The following PRKCG variants were observed in gnomAD, a reference collection of about 807,000 sequenced individuals.
PRKCG encodes protein kinase C gamma.
PRKCG carries 28 observed loss-of-function variants against 82.0 expected under a neutral mutation model. That is an observed-to-expected ratio of 0.34 (90% CI 0.25 to 0.47). The LOEUF is 0.47. Ranked by LOEUF, PRKCG falls within the 20% of genes least tolerant of loss-of-function variation. The pLI is 1.00. For missense variants in PRKCG, 640 were observed against 952.7 expected, an observed-to-expected ratio of 0.67 and a Z score of 4.32; for synonymous variants, 383 against 376.6, an observed-to-expected ratio of 1.02 and a Z score of -0.20.
At chr19:53,897,724 CT>C (rs897769102) in intron 9 of PRKCG, among the ~76,000 whole-genome samples, 1 of 146,040 alleles carries the variant, frequency 6.8e-6, no homozygotes, top group African/African-American at 2.6e-5. Flanking sequence ...GATAAGCTAT[CT>C]AAAAAAAAAA....
chr19:53,899,923 C>G (rs189291498), intron 11 of PRKCG, among the ~76,000 whole-genome samples: 1 of 152,318 alleles, frequency 6.6e-6, no homozygotes, highest in East Asian at 1.9e-4. Flanking sequence ...AGAATTGCAT[C>G]TGTGTGTGAG....
chr19:53,887,553 A>C (rs1249999289), intron 3 of PRKCG, among the ~76,000 whole-genome samples: 2 of 137,876 alleles, frequency 1.5e-5, no homozygotes, highest in African/African-American at 2.7e-5. Context: ...TGCCTTGACC[A>C]GGCATGGTGG....
chr19:53,906,356 C>A lies in PRKCG; in HGVS notation c.1804C>A (p.Pro602Thr). ...KHPGKRLGSG[P>T]DGEPTIRAHG... ...CCCAGGGAAGCGCCTGGGCTCAGGG[C>A]CTGATGGGGAACCTACCATCCGTGC... The change falls in exon 17 of 18, where the codon CCT becomes ACT. Residue 602 changes from proline to threonine, a missense_variant. Physicochemically the swap from Pro to Thr is conservative, Grantham distance 38. Coordinates refer to ENST00000263431, the MANE Select transcript of PRKCG (RefSeq NM_002739.5). 1.3e-6 allele frequency: 2 copies of A among 1,552,852 alleles called. No homozygotes were observed. Among genetic ancestry groups the A allele is most frequent in the East Asian group, 2.4e-5 (1 of 41,072 alleles).
intron 9 of PRKCG, among the ~76,000 whole-genome samples, chr19:53,896,514 G>T (rs2068719699): frequency 6.6e-6 from 1 of 151,970 alleles, no homozygotes; most frequent in African/African-American, 2.4e-5. Context: ...CTGCCTCCCG[G>T]GTTCAAGCGA....
chr19:53,906,964 C>T lies in PRKCG; in HGVS notation c.*69C>T. ...TGCCGGCGGCAGCCCCACTTCACCC[C>T]CAACTTCACCACCCCCTGTCCCATT... On this transcript the variant is annotated 3_prime_UTR_variant, in exon 18 of 18. Coordinates refer to ENST00000263431, the MANE Select transcript of PRKCG (RefSeq NM_002739.5). 1 of 1,604,324 alleles carries T rather than the reference C, an allele frequency of 6.2e-7. No individual in the cohort carries two copies. Among genetic ancestry groups the T allele is most frequent in the South Asian group, 1.1e-5 (1 of 90,370 alleles).
intron 5 of PRKCG, among the ~76,000 whole-genome samples, chr19:53,891,278 C>CT (rs537462382): frequency 0.066 from 8,870 of 133,802 alleles, 579 homozygotes; most frequent in African/African-American, 0.17. Flanking sequence ...GCTTGGAATT[C>CT]TTTTTTTTTT....
intron 8 of PRKCG, 49 bp downstream of exon 8, chr19:53,893,124 G>T (rs2122998250): frequency 6.4e-7 from 1 of 1,552,628 alleles, no homozygotes; most frequent in Non-Finnish European, 8.8e-7. Context: ...GCCTCCCACG[G>T]TTCAGAGCTG....
intron 8 of PRKCG, 74 bp downstream of exon 8, chr19:53,893,149 C>A: frequency 7.0e-7 from 1 of 1,418,628 alleles, no homozygotes; most frequent in South Asian, 1.2e-5. Flanking sequence ...TTCCTTCCAC[C>A]CCTGAGTGCC....
rs1339463029 is a variant in PRKCG at position 53,883,398 on chromosome 19, T to C, written c.202+204T>C. Among the ~76,000 whole-genome samples the C allele has an allele frequency of 6.7e-6, 1 of 148,494 alleles. No homozygotes were observed. The highest frequency in any genetic ancestry group is 2.5e-5 in the African/African-American group (1 of 39,974). On this transcript the variant is annotated intron_variant, in intron 2 of 17. Transcript: ENST00000263431. This position sits in a 1 kb window ranked among gnomAD's most constrained non-coding sequence, Gnocchi z 5.4. ...CCGCGGAGGTGGTGCTGGGGGCCCC[T>C]CCCTCGGCCGGCTCCAGGTGGGGAC...
chr19:53,900,399 C>G lies in PRKCG; in HGVS notation c.1374-20C>G, dbSNP rs558658764. ...TCCAGCCACTGACCTTCTGACGTCC[C>G]CACCCACCCCGTCCTCCAGGTTCTA... is the stretch of plus-strand genomic sequence containing the variant. On this transcript the variant is annotated intron_variant, in intron 12 of 17. Transcript: ENST00000263431. The surrounding 1 kb of genome is among the most constrained non-coding windows in gnomAD (Gnocchi z 4.2). The G allele has an allele frequency of 2.5e-6, 4 of 1,614,100 alleles. No individual in the cohort carries two copies. The African/African-American group carries it at 5.3e-5, about 22-fold the overall frequency.
At chr19:53,894,632 G>C (rs995185619) in intron 9 of PRKCG, among the ~76,000 whole-genome samples, 8 of 151,524 alleles carry the variant, frequency 5.3e-5, no homozygotes, top group Admixed American at 4.6e-4. Flanking sequence ...GCTAATTTTT[G>C]TATTTTTAGT....
chr19:53,891,492 C>T (rs1163347835), intron 5 of PRKCG, among the ~76,000 whole-genome samples, 182 bp from the exon 6 acceptor site: 2 of 150,266 alleles, frequency 1.3e-5, no homozygotes, highest in Non-Finnish European at 3.0e-5. Context: ...TCACCATTCA[C>T]AGGATGGTCT....
chr19:53,891,626 C>A (rs762046741), intron 5 of PRKCG, 48 bp from the exon 6 acceptor site: 2 of 1,607,596 alleles, frequency 1.2e-6, no homozygotes, highest in East Asian at 4.5e-5. Context: ...GCTGGGAGCC[C>A]CTTCCTGGAT....
chr19:53,904,626 C>T lies in PRKCG; in HGVS notation c.1657-9C>T. ...TGTCCCTGACTCTCTATCCCCTCCA[C>T]TTTGATAGCCTCCCTTCGATGGGGA... On this transcript the variant is annotated splice_polypyrimidine_tract_variant and intron_variant, in intron 15 of 17. Transcript: ENST00000263431. 1 of 1,611,068 alleles carries T rather than the reference C, an allele frequency of 6.2e-7. No individual in the cohort carries two copies. Among genetic ancestry groups the T allele is most frequent in the Non-Finnish European group, 8.5e-7 (1 of 1,178,686 alleles).
At position 53,893,348 on chromosome 19, in the gene PRKCG, T is replaced by G; in HGVS notation, c.910-14T>G. The stretch of plus-strand genomic sequence containing the variant: ...ATCTCTTGGGACCCTGACTCTCTCT[T>G]TCTTTTCTCCCAGGCTTGTAACTAC... On this transcript the variant is annotated splice_polypyrimidine_tract_variant and intron_variant, in intron 8 of 17. Coordinates refer to ENST00000263431, the MANE Select transcript of PRKCG (RefSeq NM_002739.5). 1 of 1,612,810 alleles carries G rather than the reference T, an allele frequency of 6.2e-7. No homozygotes were observed. The highest frequency in any genetic ancestry group is 8.5e-7 in the Non-Finnish European group (1 of 1,178,802).
chr19:53,890,028 G>T lies in PRKCG; in HGVS notation c.529+11G>T, dbSNP rs886054612. The T allele has an allele frequency of 1.1e-5, 17 of 1,552,052 alleles. No individual in the cohort carries two copies. The East Asian group carries it at 3.9e-4, about 35-fold the overall frequency. Reference sequence around the variant, plus strand: ...AGATCCACGTAACTGGTGAGGCCCCGCCCCCTCGCCTGGCCCCGCCCCCTC... The same window carrying T: ...AGATCCACGTAACTGGTGAGGCCCCTCCCCCTCGCCTGGCCCCGCCCCCTC... On this transcript the variant is annotated intron_variant, in intron 5 of 17. Coordinates refer to ENST00000263431, the MANE Select transcript of PRKCG (RefSeq NM_002739.5).
rs1184917727 is a variant in PRKCG, at chr19:53,906,298, C to T, written c.1765-19C>T. 6.4e-7 allele frequency: 1 copy of T among 1,551,242 alleles called. No individual in the cohort carries two copies. ...ACTCTGTCTGTTTGTCTGTCTGTCT[C>T]TCTCTGTGTTTCCCACAGTTCCTGA... On this transcript the variant is annotated intron_variant, in intron 16 of 17. Transcript: ENST00000263431.
chr19:53,906,332 C>T lies in PRKCG; in HGVS notation c.1780C>T (p.Pro594Ser), dbSNP rs2068810631. ...TTTCCCACAGTTCCTGACCAAGCAC[C>T]CAGGGAAGCGCCTGGGCTCAGGGCC... ...AICKGFLTKH[P>S]GKRLGSGPDG... The change falls in exon 17 of 18, where the codon CCA (proline) becomes TCA (serine). Residue 594 changes from proline (P) to serine (S), a missense_variant. Around this residue, in one of 7 missense-constraint regions of PRKCG, gnomAD observed 198 missense variants for 273.4 expected, o/e 0.72. Coordinates refer to ENST00000263431, the MANE Select transcript of PRKCG (RefSeq NM_002739.5). The T allele has an allele frequency of 5.2e-6, 8 of 1,551,532 alleles. No homozygotes were observed. Among genetic ancestry groups the T allele is most frequent in the Non-Finnish European group, 7.0e-6 (8 of 1,147,020 alleles).
rs139506301 is a variant in PRKCG, at chr19:53,893,033, G to C, written c.867G>C (p.Pro289=). ...NQEEGEYYNV[P]VADADNCSLL... ...AGGAGGGCGAGTATTACAATGTGCC[G>C]GTGGCCGATGCTGACAACTGCAGCC... Residue 289 remains proline, a synonymous_variant, in exon 8 of 18, where the codon CCG becomes CCC. Transcript: ENST00000263431. 3 of 1,613,932 alleles carry C rather than the reference G, an allele frequency of 1.9e-6. No individual in the cohort carries two copies. In the African/African-American group the frequency reaches 4.0e-5, roughly 22 times the overall value.
Sources: gnomAD v4.1 joint callset for allele counts (sites outside exome capture counted in the v4.1 genomes callset) on GRCh38, gnomAD v4.1.1 for gene constraint, gnomAD v4.1.1 regional missense constraint, Gnocchi (gnomAD v3.1) non-coding constraint, MANE v1.5 for transcripts, NCBI Gene and HGNC (gene_info 2026-07-23, HGNC 2026-07-21) for gene names.